Variants in SEC14L6 observed in about 807,000 individuals in gnomAD.
SEC14L6 encodes SEC14 like lipid binding 6.
Under a neutral mutation model 54.1 loss-of-function variants are expected in SEC14L6, and 40 were observed. That is an observed-to-expected ratio of 0.74 (90% CI 0.57 to 0.96). SEC14L6 has a LOEUF of 0.96. SEC14L6 is among the 40% of genes least tolerant of loss of function. SEC14L6 has a pLI of 0.00. For synonymous variants in SEC14L6, 171 were observed against 198.4 expected (o/e 0.86, Z 1.16); for missense variants, 471 against 498.3 (o/e 0.95, Z 0.52).
At position 30,542,770 on chromosome 22, in the gene SEC14L6, C is replaced by T. The variant is rs182495456; in HGVS notation, c.54+3859G>A. 3.0e-4 allele frequency: 477 copies of T among 1,591,422 alleles called. 1 individual carries two copies. The highest frequency in any genetic ancestry group is 3.8e-4 in the Non-Finnish European group (443 of 1,160,534). ...CTCCCTGAACCCTGTGGGGCCCATCCAACGGTTCAGAGGAGCTGGACCAGG... is the reference window on the plus strand; with the variant it reads ...CTCCCTGAACCCTGTGGGGCCCATCTAACGGTTCAGAGGAGCTGGACCAGG... On this transcript the variant is annotated intron_variant, in intron 1 of 11. Transcript: ENST00000402034.
At position 30,523,098 on chromosome 22, in the gene SEC14L6, A is replaced by AGG. The variant is rs1298267104; in HGVS notation, c.*1897_*1898dup. The AGG allele has an allele frequency of 6.6e-6, 1 of 152,198 alleles. No individual in the cohort carries two copies. The highest frequency in any genetic ancestry group is 1.5e-5 in the Non-Finnish European group (1 of 68,048). 9.4% of individuals were successfully genotyped at this position (152,198 alleles called of 1,614,324 possible). ...TCAGTGGCTGTCAGGGGAGGGGCTG[A>AGG]GGGAGAGCAAGGGCTGCTGAATGCC... is the stretch of plus-strand genomic sequence containing the variant. On this transcript the variant is annotated 3_prime_UTR_variant, in exon 12 of 12. Transcript: ENST00000402034.
chr22:30,540,961 G>A (rs1344744510), intron 1 of SEC14L6, among the ~76,000 whole-genome samples: 4 of 151,430 alleles, frequency 2.6e-5, no homozygotes, highest in African/African-American at 9.7e-5. Context: ...GGAGGCTGCA[G>A]TGAGCTGAGA....
Position 30,532,813 on chromosome 22 carries a change from G to T in SEC14L6, c.218C>A (p.Ala73Asp). 3.1e-6 allele frequency: 5 copies of T among 1,613,636 alleles called. No homozygotes were observed. Among genetic ancestry groups the T allele is most frequent in the Non-Finnish European group, 4.2e-6 (5 of 1,179,880 alleles). Residue 73 changes from alanine to aspartate, a missense_variant, in exon 4 of 12, where the codon GCC becomes GAC. Physicochemically the swap from Ala to Asp is moderately radical, Grantham distance 126 (BLOSUM62 -2). Coordinates refer to ENST00000402034, the MANE Select transcript of SEC14L6 (RefSeq NM_001193336.4). ...RKQQDLANIL[A>D]WQPPEVVRLY... ...GATGCTCACCTCTGGGGGCTGCCAGGCAAGGATGTTGGCCAGGTCTTGTTG... is the reference window on the plus strand; with the variant it reads ...GATGCTCACCTCTGGGGGCTGCCAGTCAAGGATGTTGGCCAGGTCTTGTTG...
At chr22:30,544,787 G>C (rs965082082) in intron 1 of SEC14L6, among the ~76,000 whole-genome samples, 1 of 152,132 alleles carries the variant, frequency 6.6e-6, no homozygotes, top group Non-Finnish European at 1.5e-5. Context: ...ACCTGAGCTT[G>C]CCCCTCCAGC....
chr22:30,531,876 C>T (rs1209239020), intron 6 of SEC14L6, 27 bp downstream of exon 6: 1 of 1,510,828 alleles, frequency 6.6e-7, no homozygotes, highest in Admixed American at 2.0e-5. Context: ...TGACCACCCA[C>T]CCATGCCCCT....
rs992388904 is a variant in SEC14L6 at position 30,544,148 on chromosome 22, T to C, written c.54+2481A>G. On this transcript the variant is annotated intron_variant, in intron 1 of 11. Transcript: ENST00000402034. ...TTCCTTGTCCCACAAGGAGCCGCCA[T>C]GATGAGCACAGCCAGCCCAGTTCCC... 4 of 1,137,808 alleles carry C rather than the reference T, an allele frequency of 3.5e-6. No individual in the cohort carries two copies. The African/African-American group carries it at 4.6e-5, about 13-fold the overall frequency. The allele number at this position is 1,137,808 out of a possible 1,614,324, so 70.5% of individuals were successfully genotyped here.
intron 1 of SEC14L6, 80 bp downstream of exon 1, chr22:30,546,549 C>T: frequency 7.4e-7 from 1 of 1,356,112 alleles, no homozygotes; most frequent in Non-Finnish European, 1.0e-6. Context: ...TCAGAAGAAA[C>T]TCAGGGACCT....
At chr22:30,545,503 T>TCCCACCTCAAAGTGCGGGGATCCA (rs2085789396) in intron 1 of SEC14L6, among the ~76,000 whole-genome samples, 1 of 151,976 alleles carries the variant, frequency 6.6e-6, no homozygotes, top group East Asian at 1.9e-4. Context: ...CAATCCATCC[T>TCCCACCTCAAAGTGCGGGGATCCA]CCCACCTCAG....
rs1201756831 is a variant in SEC14L6, at chr22:30,528,119, CTTT to C, written c.664+965_664+967del. On this transcript the variant is annotated intron_variant, in intron 8 of 11. Coordinates refer to ENST00000402034, the MANE Select transcript of SEC14L6 (RefSeq NM_001193336.4). ...TATATAATTTGGAAAACCTAGATTT[CTTT>C]TTTTTTTTTTTTTTTTTTGAGACAA... Among the ~76,000 whole-genome samples, 169 of 117,696 alleles carry C rather than the reference CTTT, an allele frequency of 1.4e-3. 3 individuals are homozygous for C. The East Asian group carries it at 0.031, about 21-fold the overall frequency. 77.2% of individuals were successfully genotyped at this position (117,696 alleles called of 152,430 possible). A position where few individuals can be genotyped will look rare whatever the true frequency, so the allele number is the denominator to read the frequency against.
intron 5 of SEC14L6, 164 bp downstream of exon 5, chr22:30,532,361 T>C: frequency 5.4e-6 from 5 of 928,266 alleles, no homozygotes; most frequent in Non-Finnish European, 6.4e-6. Flanking sequence ...CCACATACTG[T>C]GTGGCCTTGG....
intron 6 of SEC14L6, among the ~76,000 whole-genome samples, chr22:30,531,631 G>C (rs1332255274): frequency 6.6e-6 from 1 of 152,200 alleles, no homozygotes; most frequent in African/African-American, 2.4e-5. Flanking sequence ...GGCTGAGGCA[G>C]AAGAATTGCT....
At chr22:30,525,956 T>G (rs1291572067) in intron 8 of SEC14L6, 24 bp from the exon 9 acceptor site, 1 of 1,574,110 alleles carries the variant, frequency 6.4e-7, no homozygotes, top group Non-Finnish European at 8.6e-7. Flanking sequence ...AGAGAGGGAC[T>G]CCAAAGGGAC....
intron 1 of SEC14L6, among the ~76,000 whole-genome samples, chr22:30,542,204 G>A (rs995478661): frequency 4.6e-5 from 7 of 152,198 alleles, no homozygotes; most frequent in Admixed American, 4.6e-4. Context: ...GCTCTGAAAG[G>A]ATCGGTCCCC....
At chr22:30,528,746 C>A (rs1372988569) in intron 8 of SEC14L6, among the ~76,000 whole-genome samples, 1 of 152,094 alleles carries the variant, frequency 6.6e-6, no homozygotes, top group Non-Finnish European at 1.5e-5. Flanking sequence ...CTAATTCCCC[C>A]CATTAAACAG....
chr22:30,534,595 G>A (rs934828374), intron 2 of SEC14L6, among the ~76,000 whole-genome samples: 1 of 151,898 alleles, frequency 6.6e-6, no homozygotes, highest in East Asian at 1.9e-4. Context: ...TATTTTAGTA[G>A]AGATGGGGTT....
chr22:30,530,807 C>T (rs1443314113), intron 6 of SEC14L6, among the ~76,000 whole-genome samples: 1 of 152,246 alleles, frequency 6.6e-6, no homozygotes, highest in African/African-American at 2.4e-5. Context: ...CCACAGCTTC[C>T]CTCCTACTGC....
chr22:30,529,381 T>C, intron 6 of SEC14L6, 32 bp from the exon 7 acceptor site: 1 of 1,529,918 alleles, frequency 6.5e-7, no homozygotes, highest in Non-Finnish European at 8.9e-7. Context: ...GTGATGGGCG[T>C]CTGAACACTG....
At chr22:30,542,084 C>T (rs940318813) in intron 1 of SEC14L6, among the ~76,000 whole-genome samples, 1 of 152,192 alleles carries the variant, frequency 6.6e-6, no homozygotes, top group Non-Finnish European at 1.5e-5. Flanking sequence ...CGGCTCAGAC[C>T]CCGTCCCCAG....
intron 6 of SEC14L6, 95 bp from the exon 7 acceptor site, chr22:30,529,444 G>C: frequency 2.0e-6 from 2 of 981,862 alleles, no homozygotes; most frequent in Non-Finnish European, 3.1e-6. Flanking sequence ...GCACAGCCTT[G>C]GCCTCGAATG....
Sources: gnomAD v4.1 joint callset for allele counts (sites outside exome capture counted in the v4.1 genomes callset) on GRCh38, gnomAD v4.1.1 for gene constraint, MANE v1.5 for transcripts, NCBI Gene and HGNC (gene_info 2026-07-23, HGNC 2026-07-21) for gene names.